Variants in GMEB2 observed in about 807,000 individuals in gnomAD.
The protein encoded by GMEB2 is glucocorticoid modulatory element binding protein 2.
A neutral mutation model predicts 45.7 loss-of-function variants in GMEB2; 7 were observed. That is an observed-to-expected ratio of 0.15 (90% CI 0.09 to 0.29). GMEB2 has a LOEUF of 0.29. GMEB2 is among the 10% of genes least tolerant of loss of function. The pLI is 1.00. For synonymous variants in GMEB2, 322 were observed against 323.6 expected (o/e 1.00, Z 0.05); for missense variants, 582 against 739.2 (o/e 0.79, Z 2.47).
intron 1 of GMEB2, among the ~76,000 whole-genome samples, chr20:63,625,621 G>A (rs776191274): frequency 2.7e-5 from 4 of 150,090 alleles, no homozygotes; most frequent in East Asian, 2.0e-4. Flanking sequence ...TTTTTGAGAC[G>A]CAATCTTGCT....
chr20:63,619,025 T>G lies in GMEB2; in HGVS notation c.131+242A>C, dbSNP rs7352626. Among the ~76,000 whole-genome samples, 1 of 152,156 alleles carries G rather than the reference T, an allele frequency of 6.6e-6. No homozygotes were observed. The highest frequency in any genetic ancestry group is 6.5e-5 in the Admixed American group (1 of 15,272). On this transcript the variant is annotated intron_variant, in intron 2 of 9. Coordinates refer to ENST00000370077, the MANE Select transcript of GMEB2 (RefSeq NM_012384.5). This position sits in a 1 kb window ranked among gnomAD's most constrained non-coding sequence, Gnocchi z 4.6. The stretch of plus-strand genomic sequence containing the variant: ...TGAGAAATCACGGCCTTTCAGGACG[T>G]GGAGCCACGTGGCCATGCAGGTACG...
chr20:63,590,358 G>C lies in GMEB2; in HGVS notation c.1324C>G (p.Pro442Ala), dbSNP rs2146040090. The C allele has an allele frequency of 6.2e-7, 1 of 1,608,598 alleles. No homozygotes were observed. Among genetic ancestry groups the C allele is most frequent in the Non-Finnish European group, 8.5e-7 (1 of 1,176,722 alleles). ...TCCGGGTGGATCTCCACTGTGCTGG[G>C]GTAGGTGGAGCCGGAAGAGGCCAAG... Reference protein sequence around the residue: ...TVLASSGSTYPSTVEIHPDAS... With the variant: ...TVLASSGSTYASTVEIHPDAS... Residue 442 changes from proline to alanine, a missense_variant, in exon 10 of 10, where the codon CCC becomes GCC. Pro to Ala is a conservative substitution (Grantham distance 27). Coordinates refer to ENST00000370077, the MANE Select transcript of GMEB2 (RefSeq NM_012384.5).
intron 1 of GMEB2, among the ~76,000 whole-genome samples, chr20:63,624,646 A>G (rs2089659113): frequency 6.6e-6 from 1 of 152,208 alleles, no homozygotes; most frequent in South Asian, 2.1e-4. Flanking sequence ...GGCTTTGCAG[A>G]GGATTACGCA....
intron 2 of GMEB2, among the ~76,000 whole-genome samples, chr20:63,605,497 TG>T (rs1432768412): frequency 6.9e-6 from 1 of 144,680 alleles, no homozygotes; most frequent in Non-Finnish European, 1.5e-5. Context: ...CACTCCAGCC[TG>T]GGCGACAGAG....
intron 4 of GMEB2, among the ~76,000 whole-genome samples, chr20:63,598,915 C>T (rs2083220388): frequency 6.6e-6 from 1 of 152,204 alleles, no homozygotes; most frequent in Admixed American, 6.5e-5. Context: ...CCTGATCCTA[C>T]CTAGGGCTCT....
chr20:63,595,923 C>G (rs57156419), intron 5 of GMEB2, among the ~76,000 whole-genome samples, 156 bp from the exon 6 acceptor site: 4 of 152,182 alleles, frequency 2.6e-5, no homozygotes, highest in East Asian at 1.9e-4. Flanking sequence ...TCCCTCTTAG[C>G]GCGAGCTCGG....
chr20:63,617,259 A>G (rs945715840), intron 2 of GMEB2, among the ~76,000 whole-genome samples: 1 of 152,086 alleles, frequency 6.6e-6, no homozygotes. Context: ...TACAGGTATG[A>G]GCCACCGCGC....
intron 2 of GMEB2, among the ~76,000 whole-genome samples, chr20:63,605,714 G>A (rs1266364776): frequency 1.3e-5 from 2 of 151,706 alleles, no homozygotes; most frequent in African/African-American, 2.4e-5. Context: ...CAGTACTTTG[G>A]GAGGCTGAGG....
At position 63,592,291 on chromosome 20, in the gene GMEB2, C is replaced by T. The variant is rs1369962639; in HGVS notation, c.830-147G>A. ...CTCTTCCTAGAGAGTGAGAACACCA[C>T]CACTGAGGCTGCTCCTCAGGAACCC... On this transcript the variant is annotated intron_variant, in intron 8 of 9. Coordinates refer to ENST00000370077, the MANE Select transcript of GMEB2 (RefSeq NM_012384.5). This position sits in a 1 kb window ranked among gnomAD's most constrained non-coding sequence, Gnocchi z 8.2. The T allele has an allele frequency of 1.2e-5, 9 of 777,814 alleles. No homozygotes were observed. The highest frequency in any genetic ancestry group is 1.8e-5 in the Non-Finnish European group (9 of 491,060). 48.2% of individuals were successfully genotyped at this position (777,814 alleles called of 1,614,324 possible). A position where few individuals can be genotyped will look rare whatever the true frequency, so the allele number is the denominator to read the frequency against.
At chr20:63,609,043 C>A (rs56049555) in intron 2 of GMEB2, among the ~76,000 whole-genome samples, 30 of 49,858 alleles carry the variant, frequency 6.0e-4, no homozygotes, top group South Asian at 1.3e-3. Context: ...TGACCCACAC[C>A]TCCATTTCTA....
intron 1 of GMEB2, among the ~76,000 whole-genome samples, chr20:63,625,798 G>A (rs943082369): frequency 6.6e-6 from 1 of 151,636 alleles, no homozygotes; most frequent in African/African-American, 2.4e-5. Context: ...GGGTTTCACC[G>A]TGTTAGCCAG....
chr20:63,625,182 CTTTG>C (rs1332620104), intron 1 of GMEB2, among the ~76,000 whole-genome samples: 1 of 151,898 alleles, frequency 6.6e-6, no homozygotes, highest in Non-Finnish European at 1.5e-5. Context: ...ACAGCTCCTT[CTTTG>C]TTTTTTTGAG....
chr20:63,618,416 C>G (rs2089623772), intron 2 of GMEB2, among the ~76,000 whole-genome samples: 2 of 152,210 alleles, frequency 1.3e-5, no homozygotes, highest in African/African-American at 4.8e-5. Flanking sequence ...ACAGGCTCCA[C>G]AGCAAGGGAA....
intron 2 of GMEB2, among the ~76,000 whole-genome samples, chr20:63,605,785 T>C (rs1248261345): frequency 6.6e-6 from 1 of 152,016 alleles, no homozygotes; most frequent in Non-Finnish European, 1.5e-5. Context: ...TGAAACCTCA[T>C]CTCTAACCAA....
rs946353092 is a variant in GMEB2 at position 63,589,041 on chromosome 20, G to C, written c.*1048C>G. The C allele has an allele frequency of 1.3e-5, 5 of 398,914 alleles. No homozygotes were observed. The highest frequency in any genetic ancestry group is 1.0e-4 in the African/African-American group (5 of 48,650). 24.7% of individuals were successfully genotyped at this position (398,914 alleles called of 1,614,324 possible). A position where few individuals can be genotyped will look rare whatever the true frequency, so the allele number is the denominator to read the frequency against. ...CAGAGACCACCAAGGGCCAGCCCAG[G>C]GGCTGCATGGGGGCCGGGGGCCAGG... On this transcript the variant is annotated 3_prime_UTR_variant, in exon 10 of 10. Coordinates refer to ENST00000370077, the MANE Select transcript of GMEB2 (RefSeq NM_012384.5).
In GMEB2 at chr20:63,589,594, T is replaced by C. The variant is rs1600999543; in HGVS notation, c.*495A>G. The C allele has an allele frequency of 1.1e-5, 2 of 176,822 alleles. No individual in the cohort carries two copies. The highest frequency in any genetic ancestry group is 2.4e-5 in the African/African-American group (1 of 42,520). 11.0% of individuals were successfully genotyped at this position (176,822 alleles called of 1,614,324 possible). On this transcript the variant is annotated 3_prime_UTR_variant, in exon 10 of 10. Coordinates refer to ENST00000370077, the MANE Select transcript of GMEB2 (RefSeq NM_012384.5). ...AAACTGTGGGAAGAAACCAAATCCA[T>C]AGGATCCAGAGGTTTCACACTTGGG...
At chr20:63,621,517 A>T (rs1057325953) in intron 1 of GMEB2, among the ~76,000 whole-genome samples, 2 of 152,028 alleles carry the variant, frequency 1.3e-5, no homozygotes, top group Non-Finnish European at 2.9e-5. Flanking sequence ...AATACTAAAA[A>T]TTAGCCAGGC....
chr20:63,625,922 C>T (rs1017803421), intron 1 of GMEB2, among the ~76,000 whole-genome samples: 1 of 152,210 alleles, frequency 6.6e-6, no homozygotes, highest in African/African-American at 2.4e-5. Context: ...AACTAGTATT[C>T]TTGACCGGCA....
chr20:63,594,650 T>C (rs1251960489), intron 6 of GMEB2, among the ~76,000 whole-genome samples: 5 of 152,054 alleles, frequency 3.3e-5, no homozygotes, highest in Non-Finnish European at 1.5e-5. Flanking sequence ...CAATGCGGAG[T>C]GGCAGCTTAG....
Sources: gnomAD v4.1 joint callset for allele counts (sites outside exome capture counted in the v4.1 genomes callset) on GRCh38, gnomAD v4.1.1 for gene constraint, Gnocchi (gnomAD v3.1) non-coding constraint, MANE v1.5 for transcripts, NCBI Gene and HGNC (gene_info 2026-07-23, HGNC 2026-07-21) for gene names.